The following BMPER variants were observed in gnomAD, a reference collection of about 807,000 sequenced individuals.
The protein encoded by BMPER is BMP binding endothelial regulator.
In BMPER, 45 loss-of-function variants were observed where a neutral mutation model predicts 87.3. The observed-to-expected ratio is 0.52, with a 90% CI of 0.41 to 0.66. The LOEUF (loss-of-function observed/expected upper bound fraction) is 0.66. Among genes scored for constraint, BMPER ranks in the 30% least tolerant of loss-of-function variants. The pLI, the probability that BMPER is intolerant of heterozygous loss-of-function variation, is 0.00. For missense variants in BMPER, 784 were observed against 867.5 expected (o/e 0.90, Z 1.21); for synonymous variants, 326 against 316.2 (o/e 1.03, Z -0.33).
chr7:34,029,735 C>G (rs1333750814), intron 6 of BMPER, among the ~76,000 whole-genome samples: 2 of 151,998 alleles, frequency 1.3e-5, no homozygotes, highest in Non-Finnish European at 2.9e-5. Flanking sequence ...GCAAAGTTTG[C>G]TAGGCTGAAA....
intron 12 of BMPER, among the ~76,000 whole-genome samples, chr7:34,084,773 C>T (rs1396401649): frequency 6.6e-6 from 1 of 152,202 alleles, no homozygotes; most frequent in African/African-American, 2.4e-5. Context: ...GGCTGTTCTA[C>T]CTGTGACATA....
chr7:34,032,238 C>T (rs1787548123), intron 6 of BMPER, among the ~76,000 whole-genome samples: 2 of 151,758 alleles, frequency 1.3e-5, no homozygotes, highest in African/African-American at 4.8e-5. Flanking sequence ...AGCTCTTAAC[C>T]CCATGAGTTT....
chr7:34,115,797 G>A (rs117198861), intron 13 of BMPER, among the ~76,000 whole-genome samples: 7,222 of 152,184 alleles, frequency 0.047, 228 homozygotes, highest in Non-Finnish European at 0.067. Context: ...GAGTAATACC[G>A]TGTACATGTA....
rs545245724 is a variant in BMPER, at chr7:34,064,954, G to A, written c.1078+2907G>A. ...TCTGATGTCCTTTAGCTGTGGCTTC[G>A]AGACCTCCTACTTTGAAATTTCTTT... On this transcript the variant is annotated intron_variant, in intron 11 of 14. Coordinates refer to ENST00000649409, the MANE Select transcript of BMPER (RefSeq NM_001365308.1). Among the ~76,000 whole-genome samples, 12 of 152,174 alleles carry A rather than the reference G, an allele frequency of 7.9e-5. No individual in the cohort carries two copies. The South Asian group carries it at 2.1e-3, about 26-fold the overall frequency.
At chr7:34,115,385 T>G (rs1790090369) in intron 13 of BMPER, among the ~76,000 whole-genome samples, 1 of 152,246 alleles carries the variant, frequency 6.6e-6, no homozygotes, top group Admixed American at 6.5e-5. Context: ...AAATATATAA[T>G]GTAATGGTTT....
At chr7:33,997,967 CT>C (rs1462461952) in intron 6 of BMPER, among the ~76,000 whole-genome samples, 39 of 152,308 alleles carry the variant, frequency 2.6e-4, no homozygotes, top group Admixed American at 1.8e-3. Context: ...TTCCCCATTG[CT>C]TATTTATCAC....
At chr7:34,147,039 A>G (rs1350756083) in intron 14 of BMPER, among the ~76,000 whole-genome samples, 1 of 152,210 alleles carries the variant, frequency 6.6e-6, no homozygotes, top group East Asian at 1.9e-4. Context: ...TTGTCACTGC[A>G]CATTCAGTCA....
intron 6 of BMPER, among the ~76,000 whole-genome samples, chr7:34,033,340 T>A (rs1402447658): frequency 6.6e-6 from 1 of 152,218 alleles, no homozygotes; most frequent in East Asian, 1.9e-4. Context: ...AGCAATGTTC[T>A]GATCATGAGT....
At chr7:34,010,977 C>T (rs563717437) in intron 6 of BMPER, among the ~76,000 whole-genome samples, 1 of 151,906 alleles carries the variant, frequency 6.6e-6, no homozygotes, top group South Asian at 2.1e-4. Flanking sequence ...TTTGTGAATA[C>T]TTGAATTTAA....
At chr7:34,111,743 C>T (rs1789968412) in intron 13 of BMPER, among the ~76,000 whole-genome samples, 1 of 152,108 alleles carries the variant, frequency 6.6e-6, no homozygotes, top group African/African-American at 2.4e-5. Flanking sequence ...GATGGAGTTT[C>T]ACTCTTATTG....
At chr7:34,138,316 C>G (rs938856189) in intron 13 of BMPER, among the ~76,000 whole-genome samples, 68 of 152,162 alleles carry the variant, frequency 4.5e-4, no homozygotes, top group African/African-American at 1.6e-3. Context: ...TCTGATCCCA[C>G]TACCGTGCCG....
At chr7:33,944,059 G>A (rs1445567326) in intron 3 of BMPER, among the ~76,000 whole-genome samples, 3 of 152,192 alleles carry the variant, frequency 2.0e-5, no homozygotes, top group Admixed American at 6.5e-5. Context: ...TTCAGTGACA[G>A]AAGGGACTAA....
Position 34,078,972 on chromosome 7 carries a change from C to T in BMPER, c.1194C>T (p.Ala398=). The change falls in exon 12 of 15, where the codon GCC becomes GCT. Residue 398 remains alanine (A), a synonymous_variant. Coordinates refer to ENST00000649409, the MANE Select transcript of BMPER (RefSeq NM_001365308.1). ...TGACAAAAGACTGCTCCTCCCCTGC[C>T]TCGCCCTTCCAGGTGCTGGTGAAGA... ...YVLTKDCSSP[A]SPFQVLVKND... is the part of the protein sequence containing the mutation. 1 of 1,614,240 alleles carries T rather than the reference C, an allele frequency of 6.2e-7. No individual in the cohort carries two copies. Among genetic ancestry groups the T allele is most frequent in the East Asian group, 2.2e-5 (1 of 44,870 alleles).
chr7:34,077,847 G>C (rs949759353), intron 11 of BMPER, among the ~76,000 whole-genome samples: 2 of 151,684 alleles, frequency 1.3e-5, no homozygotes, highest in African/African-American at 4.8e-5. Flanking sequence ...TCTTGACCTA[G>C]TATTTTTATT....
At chr7:34,084,628 C>G (rs1047152729) in intron 12 of BMPER, among the ~76,000 whole-genome samples, 3 of 152,202 alleles carry the variant, frequency 2.0e-5, no homozygotes, top group African/African-American at 7.2e-5. Context: ...TGGGTTGAAC[C>G]TCAGAAGACT....
At chr7:34,124,609 C>T (rs1345342515) in intron 13 of BMPER, among the ~76,000 whole-genome samples, 1 of 152,036 alleles carries the variant, frequency 6.6e-6, no homozygotes, top group East Asian at 1.9e-4. Flanking sequence ...CATTTGCAAG[C>T]AAGTAAAATT....
chr7:34,148,700 A>G (rs77396965), intron 14 of BMPER, among the ~76,000 whole-genome samples: 1 of 152,202 alleles, frequency 6.6e-6, no homozygotes, highest in East Asian at 1.9e-4. Flanking sequence ...GTAGAAAGGT[A>G]AGATGCCTTA....
chr7:34,144,775 A>G (rs1309198576), intron 14 of BMPER, among the ~76,000 whole-genome samples: 1 of 152,106 alleles, frequency 6.6e-6, no homozygotes, highest in Non-Finnish European at 1.5e-5. Context: ...AGGATTGGCA[A>G]ATTTTTGTTT....
chr7:34,086,551 T>A (rs1789216196), intron 13 of BMPER, among the ~76,000 whole-genome samples: 1 of 152,146 alleles, frequency 6.6e-6, no homozygotes, highest in Admixed American at 6.5e-5. Flanking sequence ...TGCCTTATGG[T>A]CTAGCCCACA....
Sources: allele counts gnomAD v4.1 joint callset (sites outside exome capture counted in the v4.1 genomes callset), GRCh38; gene constraint gnomAD v4.1.1; transcripts MANE v1.5; gene names NCBI Gene and HGNC (gene_info 2026-07-23, HGNC 2026-07-21).